The following DLD variants were observed in gnomAD, a reference collection of about 807,000 sequenced individuals.
DLD encodes dihydrolipoamide dehydrogenase.
A neutral mutation model predicts 62.2 loss-of-function variants in DLD; 36 were observed. The ratio of observed to expected loss-of-function variants is 0.58; its 90% CI spans 0.44 to 0.76. The LOEUF is 0.76. Among genes scored for constraint, DLD ranks in the 30% least tolerant of loss-of-function variants. DLD has a pLI of 0.00. For synonymous variants in DLD, 204 were observed against 199.6 expected, an observed-to-expected ratio of 1.02 and a Z score of -0.19; for missense variants, 541 against 608.6, an observed-to-expected ratio of 0.89 and a Z score of 1.17.
intron 1 of DLD, 59 bp from the exon 2 acceptor site, chr7:107,893,141 T>G: frequency 1.4e-6 from 2 of 1,424,238 alleles, no homozygotes; most frequent in Admixed American, 3.4e-5. Flanking sequence ...TCATCAACCT[T>G]CAGTAGTTCT....
intron 8 of DLD, among the ~76,000 whole-genome samples, chr7:107,909,510 A>G (rs2032087549): frequency 6.6e-6 from 1 of 152,172 alleles, no homozygotes; most frequent in Admixed American, 6.5e-5. Flanking sequence ...CTCATCTACA[A>G]GGATATCATG....
Position 107,917,375 on chromosome 7 carries a change from C to T in DLD, c.1149C>T (p.His383=). 1 of 1,614,132 alleles carries T rather than the reference C, an allele frequency of 6.2e-7. No homozygotes were observed. Among genetic ancestry groups the T allele is most frequent in the Non-Finnish European group, 8.5e-7 (1 of 1,180,016 alleles). The part of the protein sequence containing the change: ...CVEGMAGGAV[H]IDYNCVPSVI... ...AAGGAATGGCTGGTGGTGCTGTGCA[C>T]ATTGACTACAATTGTGTGCCATCAG... Residue 383 remains histidine (H), a synonymous_variant, in exon 11 of 14, where the codon CAC becomes CAT. Coordinates refer to ENST00000205402, the MANE Select transcript of DLD (RefSeq NM_000108.5).
intron 11 of DLD, 98 bp from the exon 12 acceptor site, chr7:107,917,826 T>C (rs2032307969): frequency 6.6e-7 from 1 of 1,512,726 alleles, no homozygotes; most frequent in East Asian, 2.3e-5. Context: ...ACAATTCCCT[T>C]CTTGGGATTT....
chr7:107,919,494 C>G lies in DLD; in HGVS notation c.*235C>G. 1 of 400,308 alleles carries G rather than the reference C, an allele frequency of 2.5e-6. No individual in the cohort carries two copies. The highest frequency in any genetic ancestry group is 3.3e-5 in the South Asian group (1 of 30,318). 24.8% of individuals were successfully genotyped at this position (400,308 alleles called of 1,614,324 possible). A position where few individuals can be genotyped will look rare whatever the true frequency, so the allele number is the denominator to read the frequency against. Reference sequence around the variant, plus strand: ...TAAGACAAAAAGCTACTTATTGTAGCATCCTGGAATATCTCCGTCAACTCA... The same window carrying G: ...TAAGACAAAAAGCTACTTATTGTAGGATCCTGGAATATCTCCGTCAACTCA... On this transcript the variant is annotated 3_prime_UTR_variant, in exon 14 of 14. Coordinates refer to ENST00000205402, the MANE Select transcript of DLD (RefSeq NM_000108.5).
intron 2 of DLD, chr7:107,893,524 T>A (rs1037870476): frequency 6.1e-6 from 2 of 328,062 alleles, no homozygotes; most frequent in African/African-American, 4.3e-5. Flanking sequence ...AAGTAATGGA[T>A]AAATATTTTG....
At chr7:107,895,312 A>T (rs1038324310) in intron 2 of DLD, among the ~76,000 whole-genome samples, 3 of 152,182 alleles carry the variant, frequency 2.0e-5, no homozygotes, top group Non-Finnish European at 4.4e-5. Context: ...ATGAGTATTG[A>T]TTGACTCTCC....
chr7:107,914,355 T>C (rs2032214675), intron 8 of DLD, among the ~76,000 whole-genome samples: 1 of 152,162 alleles, frequency 6.6e-6, no homozygotes, highest in Admixed American at 6.5e-5. Flanking sequence ...CTCAATGTTA[T>C]CTAAGACTTT....
At chr7:107,910,563 G>A (rs12534617) in intron 8 of DLD, among the ~76,000 whole-genome samples, 100,285 of 152,004 alleles carry the variant, frequency 0.66, 33,890 homozygotes, top group East Asian at 0.85. Flanking sequence ...TTAGTGTAGT[G>A]TTAAAAAACA....
At chr7:107,892,064 G>A (rs1188469343) in intron 1 of DLD, among the ~76,000 whole-genome samples, 1 of 152,160 alleles carries the variant, frequency 6.6e-6, no homozygotes, top group Non-Finnish European at 1.5e-5. Flanking sequence ...ATGCTTTTAG[G>A]GAGCGGCGGA....
At chr7:107,915,401 A>G (rs2032242075) in intron 8 of DLD, 105 bp from the exon 9 acceptor site, 3 of 1,224,000 alleles carry the variant, frequency 2.5e-6, no homozygotes, top group Non-Finnish European at 2.3e-6. Flanking sequence ...ATAGGAACAT[A>G]CTAGCGAAAG....
chr7:107,902,284 T>G (rs1185945461), intron 3 of DLD, 41 bp from the exon 4 acceptor site: 2 of 1,540,348 alleles, frequency 1.3e-6, no homozygotes, highest in Non-Finnish European at 1.8e-6. Flanking sequence ...TCTGAAACAT[T>G]GAGGTTATGT....
At chr7:107,892,318 C>G (rs1318432354) in intron 1 of DLD, among the ~76,000 whole-genome samples, 1 of 152,158 alleles carries the variant, frequency 6.6e-6, no homozygotes, top group African/African-American at 2.4e-5. Flanking sequence ...ACTGTAGTAG[C>G]ACCAGAACGT....
chr7:107,914,286 C>T (rs550956350), intron 8 of DLD, among the ~76,000 whole-genome samples: 3 of 152,114 alleles, frequency 2.0e-5, no homozygotes, highest in Non-Finnish European at 2.9e-5. Flanking sequence ...ATATAAATCC[C>T]TTATCAGATA....
rs1200518568 is a variant in DLD, at chr7:107,900,791, A to T, written c.119-947A>T. Among the ~76,000 whole-genome samples the T allele has an allele frequency of 2.0e-5, 3 of 152,276 alleles. No homozygotes were observed. The East Asian group carries it at 5.8e-4, about 29-fold the overall frequency. On this transcript the variant is annotated intron_variant, in intron 2 of 13. Coordinates refer to ENST00000205402, the MANE Select transcript of DLD (RefSeq NM_000108.5). ...TCATAGGAAATTCTGAGACTCAAAC[A>T]TGATAATATATGTGAATATGTGTTA...
Position 107,919,178 on chromosome 7 carries a change from A to T in DLD, c.1465-16A>T. 4 of 1,613,298 alleles carry T rather than the reference A, an allele frequency of 2.5e-6. No individual in the cohort carries two copies. The highest frequency in any genetic ancestry group is 2.2e-5 in the South Asian group (2 of 91,070). ...ACAAATATTTGGATTTTAATTTTAA[A>T]TTTCTTCCCTTGCAGACCTTATCAG... On this transcript the variant is annotated splice_polypyrimidine_tract_variant and intron_variant, in intron 13 of 13. Transcript: ENST00000205402.
At position 107,907,402 on chromosome 7, in the gene DLD, A is replaced by G. The variant is rs114820052; in HGVS notation, c.684+1034A>G. On this transcript the variant is annotated intron_variant, in intron 8 of 13. Coordinates refer to ENST00000205402, the MANE Select transcript of DLD (RefSeq NM_000108.5). ...TCTGCAATGGCCATTTTCATTTTCT[A>G]CTCTTCTCAAATCTCTGCTTGTATA... Among the ~76,000 whole-genome samples, 697 of 151,504 alleles carry G rather than the reference A, an allele frequency of 4.6e-3. 8 individuals carry two copies. The highest frequency in any genetic ancestry group is 0.015 in the African/African-American group (633 of 41,240).
intron 9 of DLD, among the ~76,000 whole-genome samples, chr7:107,916,425 A>T (rs775405089): frequency 9.5e-4 from 144 of 152,342 alleles, no homozygotes; most frequent in Non-Finnish European, 1.6e-3. Context: ...CTGTAATCCC[A>T]GCATTTTGGG....
At chr7:107,905,255 A>G (rs2031975703) in intron 6 of DLD, 106 bp from the exon 7 acceptor site, 1 of 1,228,992 alleles carries the variant, frequency 8.1e-7, no homozygotes, top group Non-Finnish European at 1.2e-6. Flanking sequence ...TAAGTAAGGA[A>G]GCATTTTGTT....
chr7:107,918,077 C>T lies in DLD; in HGVS notation c.1374+16C>T, dbSNP rs763450635. 1.9e-6 allele frequency: 3 copies of T among 1,613,514 alleles called. No homozygotes were observed. The South Asian group carries it at 3.3e-5, about 18-fold the overall frequency. ...TCTTGGACCAGTGAGTATTGTAAAA[C>T]CAGAGAAATCCCATTAAGATTTCTA... On this transcript the variant is annotated intron_variant, in intron 12 of 13. Transcript: ENST00000205402.
Sources: gnomAD v4.1 joint callset for allele counts (sites outside exome capture counted in the v4.1 genomes callset) on GRCh38, gnomAD v4.1.1 for gene constraint, MANE v1.5 for transcripts, NCBI Gene and HGNC (gene_info 2026-07-23, HGNC 2026-07-21) for gene names.